Variants in GNAI3 observed in about 807,000 individuals in gnomAD.
GNAI3 encodes the protein guanine nucleotide-binding protein G(i) subunit alpha-3.
In GNAI3, 12 loss-of-function variants were observed where a neutral mutation model predicts 41.8. The observed-to-expected ratio is 0.29, with a 90% CI of 0.18 to 0.47. The LOEUF is 0.47. GNAI3 is among the 20% of genes least tolerant of loss of function. The pLI is 1.00. For synonymous variants in GNAI3, 132 were observed against 146.5 expected (o/e 0.90, Z 0.71); for missense variants, 360 against 429.6 (o/e 0.84, Z 1.43).
intron 1 of GNAI3, among the ~76,000 whole-genome samples, chr1:109,550,196 A>G (rs1327610631): frequency 6.6e-6 from 1 of 152,240 alleles, no homozygotes; most frequent in Non-Finnish European, 1.5e-5. Flanking sequence ...CTTATTTTGT[A>G]CATTCTAAGT....
intron 1 of GNAI3, among the ~76,000 whole-genome samples, chr1:109,555,619 G>A (rs1418964551): frequency 3.3e-5 from 5 of 152,076 alleles, no homozygotes; most frequent in South Asian, 4.2e-4. Flanking sequence ...AGATTTCACA[G>A]GGCATGTAAG....
rs1337947706 is a variant in GNAI3 at position 109,592,966 on chromosome 1, A to T, written c.*644A>T. 5 of 152,658 alleles carry T rather than the reference A, an allele frequency of 3.3e-5. No homozygotes were observed. The highest frequency in any genetic ancestry group is 5.9e-5 in the Non-Finnish European group (4 of 68,052). 9.5% of individuals were successfully genotyped at this position (152,658 alleles called of 1,614,324 possible). A position where few individuals can be genotyped will look rare whatever the true frequency, so the allele number is the denominator to read the frequency against. ...TGCTCAAAGTACCATTATGGTTTCCATATGGTAATTACATTGGAAAGTTCT... is the reference window on the plus strand; with the variant it reads ...TGCTCAAAGTACCATTATGGTTTCCTTATGGTAATTACATTGGAAAGTTCT... On this transcript the variant is annotated 3_prime_UTR_variant, in exon 9 of 9. Coordinates refer to ENST00000369851, the MANE Select transcript of GNAI3 (RefSeq NM_006496.4).
At chr1:109,586,192 T>C (rs1169453216) in intron 5 of GNAI3, 24 bp from the exon 6 acceptor site, 4 of 1,610,088 alleles carry the variant, frequency 2.5e-6, no homozygotes, top group Admixed American at 1.7e-5. Context: ...CCTTGCTGAA[T>C]TTGCTTTCTT....
rs1649279902 is a variant in GNAI3 at position 109,595,479 on chromosome 1, AAAAAAAAC to A, written c.*3158_*3165del. Reference sequence around the variant, plus strand: ...GTAAGACTAGATGGACCAAAATTTTAAAAAAAACTTCTTGCCTTGTTTTTTTAATTTTC... The same window carrying A: ...GTAAGACTAGATGGACCAAAATTTTATTCTTGCCTTGTTTTTTTAATTTTC... On this transcript the variant is annotated 3_prime_UTR_variant, in exon 9 of 9. Transcript: ENST00000369851. 2.0e-5 allele frequency: 3 copies of A among 152,174 alleles called. No individual in the cohort carries two copies. The highest frequency in any genetic ancestry group is 7.2e-5 in the African/African-American group (3 of 41,516). 9.4% of individuals were successfully genotyped at this position (152,174 alleles called of 1,614,324 possible).
At chr1:109,589,864 G>T (rs1649126203) in intron 7 of GNAI3, among the ~76,000 whole-genome samples, 12 of 152,188 alleles carry the variant, frequency 7.9e-5, no homozygotes, top group Admixed American at 7.9e-4. Flanking sequence ...ATAGGGTGTT[G>T]AAAAAGTTTT....
At position 109,599,339 on chromosome 1, in the gene GNAI3, A is replaced by T. The variant is rs1649391348; in HGVS notation, c.*7017A>T. ...ACAGCCATCACCACCATCCATTTCC[A>T]GAACTTGTTTTCATCTTCCTGAACT... On this transcript the variant is annotated 3_prime_UTR_variant, in exon 9 of 9. Coordinates refer to ENST00000369851, the MANE Select transcript of GNAI3 (RefSeq NM_006496.4). The T allele has an allele frequency of 6.5e-6, 1 of 154,214 alleles. No homozygotes were observed. The highest frequency in any genetic ancestry group is 1.9e-4 in the South Asian group (1 of 5,178). 9.6% of individuals were successfully genotyped at this position (154,214 alleles called of 1,614,324 possible). A position where few individuals can be genotyped will look rare whatever the true frequency, so the allele number is the denominator to read the frequency against.
At chr1:109,571,630 G>A (rs761945961) in intron 1 of GNAI3, among the ~76,000 whole-genome samples, 1 of 152,116 alleles carries the variant, frequency 6.6e-6, no homozygotes, top group Non-Finnish European at 1.5e-5. Flanking sequence ...TAAGCCATGA[G>A]ATTAGGGCCG....
intron 1 of GNAI3, among the ~76,000 whole-genome samples, chr1:109,558,794 C>T (rs1291151857): frequency 6.6e-6 from 1 of 152,090 alleles, no homozygotes; most frequent in African/African-American, 2.4e-5. Context: ...GTTTAGCTAT[C>T]CATGCTTTGT....
intron 1 of GNAI3, among the ~76,000 whole-genome samples, chr1:109,550,682 C>T (rs1342694858): frequency 2.0e-5 from 3 of 152,092 alleles, no homozygotes; most frequent in Non-Finnish European, 4.4e-5. Flanking sequence ...TACAGGCGCC[C>T]GCCACCACGC....
At chr1:109,578,869 CT>C (rs1648821754) in intron 3 of GNAI3, among the ~76,000 whole-genome samples, 1 of 152,076 alleles carries the variant, frequency 6.6e-6, no homozygotes, top group Non-Finnish European at 1.5e-5. Context: ...ATAATCCTGT[CT>C]CATAAACCAG....
chr1:109,598,106 G>A lies in GNAI3; in HGVS notation c.*5784G>A, dbSNP rs1336532470. Reference sequence around the variant, plus strand: ...GGAATATTAAATTATGAACAACCTGGTTTATCTGTCTCCTCTTATCTTTTA... The same window carrying A: ...GGAATATTAAATTATGAACAACCTGATTTATCTGTCTCCTCTTATCTTTTA... On this transcript the variant is annotated 3_prime_UTR_variant, in exon 9 of 9. Transcript: ENST00000369851. The A allele has an allele frequency of 6.6e-6, 1 of 152,146 alleles. No homozygotes were observed. Among genetic ancestry groups the A allele is most frequent in the Non-Finnish European group, 1.5e-5 (1 of 68,034 alleles). The allele number at this position is 152,146 out of a possible 1,614,324, so 9.4% of individuals were successfully genotyped here. A position where few individuals can be genotyped will look rare whatever the true frequency, so the allele number is the denominator to read the frequency against.
At chr1:109,550,713 T>C (rs950408800) in intron 1 of GNAI3, among the ~76,000 whole-genome samples, 1 of 152,188 alleles carries the variant, frequency 6.6e-6, no homozygotes, top group African/African-American at 2.4e-5. Context: ...TTTTGTATTT[T>C]TAGTAGAGAC....
In GNAI3 at chr1:109,598,824, A is replaced by G. The variant is rs1188654753; in HGVS notation, c.*6502A>G. Reference sequence around the variant, plus strand: ...TTTCATGCTTTTACCTAGCAGGACCACCAGAGGCTCTGTCACACTTGCAGT... The same window carrying G: ...TTTCATGCTTTTACCTAGCAGGACCGCCAGAGGCTCTGTCACACTTGCAGT... On this transcript the variant is annotated 3_prime_UTR_variant, in exon 9 of 9. Coordinates refer to ENST00000369851, the MANE Select transcript of GNAI3 (RefSeq NM_006496.4). 1 of 520,176 alleles carries G rather than the reference A, an allele frequency of 1.9e-6. No individual in the cohort carries two copies. Among genetic ancestry groups the G allele is most frequent in the African/African-American group, 1.9e-5 (1 of 51,702 alleles). 32.2% of individuals were successfully genotyped at this position (520,176 alleles called of 1,614,324 possible). A position where few individuals can be genotyped will look rare whatever the true frequency, so the allele number is the denominator to read the frequency against.
chr1:109,575,344 C>G (rs1163070809), intron 3 of GNAI3, among the ~76,000 whole-genome samples: 1 of 151,798 alleles, frequency 6.6e-6, no homozygotes, highest in Non-Finnish European at 1.5e-5. Flanking sequence ...TCACCTAACT[C>G]TACTTCTCTG....
At chr1:109,578,401 C>T (rs561539240) in intron 3 of GNAI3, among the ~76,000 whole-genome samples, 13 of 139,540 alleles carry the variant, frequency 9.3e-5, no homozygotes, top group African/African-American at 3.5e-4. Flanking sequence ...ACCCAGGAGG[C>T]GGAGGTTACA....
intron 1 of GNAI3, among the ~76,000 whole-genome samples, chr1:109,566,693 C>T: frequency 6.6e-6 from 1 of 152,134 alleles, no homozygotes; most frequent in Non-Finnish European, 1.5e-5. Flanking sequence ...TCCTGAATAG[C>T]TGGGATTACA....
chr1:109,553,426 ATTTAC>A (rs1394577903), intron 1 of GNAI3, among the ~76,000 whole-genome samples: 7 of 152,202 alleles, frequency 4.6e-5, no homozygotes, highest in Non-Finnish European at 1.0e-4. Flanking sequence ...GAATCATCTA[ATTTAC>A]TTAAACTCTA....
At chr1:109,590,226 G>A (rs1243156767) in intron 7 of GNAI3, among the ~76,000 whole-genome samples, 1 of 152,208 alleles carries the variant, frequency 6.6e-6, no homozygotes, top group Non-Finnish European at 1.5e-5. Context: ...AAGCAACCAA[G>A]TTTTAGGATT....
intron 1 of GNAI3, among the ~76,000 whole-genome samples, chr1:109,550,531 C>A (rs938114572): frequency 6.7e-6 from 1 of 150,314 alleles, no homozygotes; most frequent in African/African-American, 2.5e-5. Context: ...ACATTCAGGG[C>A]GTTAACTTTT....
Sources: allele counts gnomAD v4.1 joint callset (sites outside exome capture counted in the v4.1 genomes callset), GRCh38; gene constraint gnomAD v4.1.1; transcripts MANE v1.5; gene names NCBI Gene and HGNC (gene_info 2026-07-23, HGNC 2026-07-21).